Variants in IMMP2L observed in about 807,000 individuals in gnomAD.
The protein encoded by IMMP2L is inner mitochondrial membrane peptidase subunit 2, also known as mitochondrial inner membrane protease subunit 2.
A neutral mutation model predicts 19.3 loss-of-function variants in IMMP2L; 18 were observed. That is an observed-to-expected ratio of 0.93 (90% confidence interval 0.64 to 1.38). IMMP2L has a LOEUF of 1.38. Ranked by LOEUF, IMMP2L falls within the 40% of genes most tolerant of loss-of-function variation. IMMP2L has a pLI of 0.00. For synonymous variants in IMMP2L, 76 were observed against 73.0 expected, an observed-to-expected ratio of 1.04 and a Z score of -0.21; for missense variants, 233 against 218.2, an observed-to-expected ratio of 1.07 and a Z score of -0.43.
At chr7:111,016,698 TTATA>T (rs1158120948) in intron 3 of IMMP2L, among the ~76,000 whole-genome samples, 1 of 102,296 alleles carries the variant, frequency 9.8e-6, no homozygotes, top group African/African-American at 4.1e-5. Context: ...TATTTCTATA[TTATA>T]TATAATTTTA....
At chr7:111,032,274 C>A (rs1308782594) in intron 3 of IMMP2L, among the ~76,000 whole-genome samples, 1 of 151,994 alleles carries the variant, frequency 6.6e-6, no homozygotes, top group Non-Finnish European at 1.5e-5. Context: ...AATGGAAAAG[C>A]AGATCAATAG....
At chr7:110,769,875 T>C (rs1039249313) in intron 5 of IMMP2L, among the ~76,000 whole-genome samples, 11 of 152,134 alleles carry the variant, frequency 7.2e-5, no homozygotes, top group Admixed American at 5.2e-4. Flanking sequence ...GGAAACAATC[T>C]GAATCTTGGA....
intron 3 of IMMP2L, among the ~76,000 whole-genome samples, chr7:111,152,644 C>A (rs1804207346): frequency 6.6e-6 from 1 of 152,102 alleles, no homozygotes; most frequent in Non-Finnish European, 1.5e-5. Context: ...TCTACCAGAA[C>A]AAAAGCAGAT....
At chr7:111,458,137 G>C (rs1246340321) in intron 3 of IMMP2L, among the ~76,000 whole-genome samples, 1 of 152,174 alleles carries the variant, frequency 6.6e-6, no homozygotes, top group East Asian at 1.9e-4. Flanking sequence ...CCAGCACTCT[G>C]GGAGGCTGAG....
chr7:111,335,620 A>T (rs1826321712), intron 3 of IMMP2L, among the ~76,000 whole-genome samples: 1 of 152,146 alleles, frequency 6.6e-6, no homozygotes. Flanking sequence ...AACAGCCTAA[A>T]TGTCCATCAG....
chr7:110,911,622 A>G (rs1317289371), intron 4 of IMMP2L, among the ~76,000 whole-genome samples: 2 of 152,164 alleles, frequency 1.3e-5, no homozygotes, highest in Non-Finnish European at 2.9e-5. Context: ...TTGAAAAATT[A>G]TCTGGGGGTC....
chr7:110,704,154 A>G (rs1313639441), intron 5 of IMMP2L, among the ~76,000 whole-genome samples: 1 of 152,166 alleles, frequency 6.6e-6, no homozygotes, highest in African/African-American at 2.4e-5. Flanking sequence ...GTTACTTACC[A>G]AATTCCTAAT....
At chr7:111,173,505 T>G (rs1286659548) in intron 3 of IMMP2L, among the ~76,000 whole-genome samples, 5 of 151,646 alleles carry the variant, frequency 3.3e-5, no homozygotes, top group Admixed American at 3.3e-4. Flanking sequence ...AACACTGTTA[T>G]GAGAGTGTAT....
At chr7:110,807,067 T>C in intron 5 of IMMP2L, among the ~76,000 whole-genome samples, 1 of 151,990 alleles carries the variant, frequency 6.6e-6, no homozygotes, top group East Asian at 1.9e-4. Context: ...TCTGTATCAA[T>C]TCTTGGTCAC....
intron 5 of IMMP2L, among the ~76,000 whole-genome samples, chr7:110,844,833 G>A (rs959699681): frequency 1.3e-5 from 2 of 151,892 alleles, no homozygotes; most frequent in South Asian, 4.2e-4. Context: ...ACTATGGCCA[G>A]GAAATTTACT....
intron 3 of IMMP2L, among the ~76,000 whole-genome samples, chr7:110,998,208 CA>C (rs1332535904): frequency 6.6e-6 from 1 of 152,138 alleles, no homozygotes; most frequent in East Asian, 1.9e-4. Context: ...TTCTCAAACC[CA>C]GTTGTTCCGA....
Position 111,037,037 on chromosome 7 carries a change from C to T in IMMP2L, c.240-73472G>A, listed in dbSNP as rs1268762510. 2.0e-5 allele frequency among the ~76,000 whole-genome samples: 3 copies of T among 152,254 alleles called. No homozygotes were observed. In the East Asian group the frequency reaches 5.8e-4, roughly 29 times the overall value. ...GTCAGAACTGCTGAGCAGATCCCTC[C>T]CTCTTAGCTAGTAACACTGCTGTAT... On this transcript the variant is annotated intron_variant, in intron 3 of 5. Transcript: ENST00000405709.
chr7:111,411,016 G>C (rs1834359079), intron 3 of IMMP2L, among the ~76,000 whole-genome samples: 1 of 143,736 alleles, frequency 7.0e-6, no homozygotes, highest in Admixed American at 7.1e-5. Flanking sequence ...AACAATATCA[G>C]CCTACAAATC....
intron 5 of IMMP2L, among the ~76,000 whole-genome samples, chr7:110,735,655 A>G (rs1417812593): frequency 8.6e-6 from 1 of 115,702 alleles, no homozygotes; most frequent in African/African-American, 3.4e-5. Flanking sequence ...TTAGACAAAT[A>G]TATATATATA....
At chr7:111,193,383 T>A (rs756552665) in intron 3 of IMMP2L, among the ~76,000 whole-genome samples, 15 of 152,066 alleles carry the variant, frequency 9.9e-5, no homozygotes, top group Non-Finnish European at 2.2e-4. Context: ...ATAAACAATC[T>A]TAAAGGCGCA....
At chr7:111,180,280 G>T (rs1009913987) in intron 3 of IMMP2L, among the ~76,000 whole-genome samples, 5 of 151,916 alleles carry the variant, frequency 3.3e-5, no homozygotes, top group East Asian at 3.9e-4. Context: ...CTCATAACTC[G>T]TTCTTTCTCT....
At chr7:110,814,981 G>A (rs1428543040) in intron 5 of IMMP2L, among the ~76,000 whole-genome samples, 3 of 151,892 alleles carry the variant, frequency 2.0e-5, no homozygotes, top group South Asian at 2.1e-4. Context: ...AGCAAGCCTC[G>A]TAAAACCACA....
intron 2 of IMMP2L, among the ~76,000 whole-genome samples, chr7:111,498,358 C>CA (rs1382392615): frequency 1.3e-5 from 2 of 152,044 alleles, no homozygotes; most frequent in African/African-American, 4.8e-5. Flanking sequence ...AACATATCTG[C>CA]ATATTAACCT....
intron 3 of IMMP2L, chr7:111,392,920 C>A: frequency 2.2e-6 from 1 of 446,204 alleles, no homozygotes; most frequent in Middle Eastern, 3.8e-4. Flanking sequence ...GGGGGTCCCA[C>A]CCACCTGGCA....
Sources: gnomAD v4.1 joint callset for allele counts (sites outside exome capture counted in the v4.1 genomes callset) on GRCh38, gnomAD v4.1.1 for gene constraint, MANE v1.5 for transcripts, NCBI Gene and HGNC (gene_info 2026-07-23, HGNC 2026-07-21) for gene names.